Variants in GLMN observed in about 807,000 individuals in gnomAD.
GLMN encodes glomulin.
Under a neutral mutation model 87.8 loss-of-function variants are expected in GLMN, and 75 were observed. The ratio of observed to expected loss-of-function variants is 0.85; its 90% CI spans 0.71 to 1.04. GLMN has a LOEUF of 1.04. Among genes scored for constraint, GLMN ranks in the 50% least tolerant of loss-of-function variants. The pLI, the probability that GLMN is intolerant of heterozygous loss-of-function variation, is 0.00. For missense variants in GLMN, 588 were observed against 658.8 expected (o/e 0.89, Z 1.18); for synonymous variants, 206 against 221.6 (o/e 0.93, Z 0.63).
upstream of GLMN, among the ~76,000 whole-genome samples, chr1:92,300,802 T>A (rs143263368): frequency 7.3e-3 from 1,107 of 152,344 alleles, 9 homozygotes; most frequent in South Asian, 0.015. Context: ...AAAAATTATT[T>A]ATTGAGTATA....
chr1:92,285,900 T>C (rs1471089282), intron 7 of GLMN, among the ~76,000 whole-genome samples: 2 of 152,318 alleles, frequency 1.3e-5, no homozygotes, highest in South Asian at 2.1e-4. Flanking sequence ...TAAAGCCAAA[T>C]TGCTTTTAAA....
intron 16 of GLMN, among the ~76,000 whole-genome samples, chr1:92,251,404 G>GA (rs148785850): frequency 0.052 from 7,898 of 150,488 alleles, 669 homozygotes; most frequent in African/African-American, 0.18. Flanking sequence ...CAAAATAAAA[G>GA]AAAAAAAAAT....
chr1:92,264,277 C>T (rs1655360866), intron 14 of GLMN, among the ~76,000 whole-genome samples: 1 of 152,178 alleles, frequency 6.6e-6, no homozygotes, highest in African/African-American at 2.4e-5. Context: ...CATGCCACTG[C>T]ACTCCAAGCT....
chr1:92,335,007 A>T, the GLMN span, among the ~76,000 whole-genome samples: 1 of 151,952 alleles, frequency 6.6e-6, no homozygotes, highest in Admixed American at 6.6e-5. Context: ...AATAAAAATA[A>T]AAATTAATCG....
In GLMN at chr1:92,291,514, C is replaced by G; in HGVS notation, c.189G>C (p.Trp63Cys). ...KNKVIIKNMG[W>C]NLVGPVVRCL... ...ATCGAACAACAGGACCAACGAGATT[C>G]CAGCCCATATTCTTGATGATGACCT... The change falls in exon 4 of 19, where the codon TGG becomes TGC. Residue 63 changes from tryptophan (W) to cysteine (C), a missense_variant. Trp to Cys is a radical substitution (Grantham distance 215). Transcript: ENST00000370360. 3 of 1,613,448 alleles carry G rather than the reference C, an allele frequency of 1.9e-6. No individual in the cohort carries two copies. The highest frequency in any genetic ancestry group is 2.5e-6 in the Non-Finnish European group (3 of 1,179,416).
chr1:92,349,638 T>A, the GLMN span, among the ~76,000 whole-genome samples: 1 of 152,188 alleles, frequency 6.6e-6, no homozygotes, highest in African/African-American at 2.4e-5. Flanking sequence ...TAACATTTTT[T>A]AAATCTGTGC....
At chr1:92,259,732 CTTTT>C (rs58390058) in intron 16 of GLMN, among the ~76,000 whole-genome samples, 5 of 108,244 alleles carry the variant, frequency 4.6e-5, no homozygotes, top group African/African-American at 6.8e-5. Context: ...TTTTTTCTTT[CTTTT>C]TTTTTTTTTT....
At chr1:92,266,573 A>ATAAAG in intron 12 of GLMN, 81 bp from the exon 13 acceptor site, 3 of 1,001,728 alleles carry the variant, frequency 3.0e-6, no homozygotes, top group Non-Finnish European at 4.7e-6. Flanking sequence ...TATGCATGTA[A>ATAAAG]TACATCCACA....
intron 3 of GLMN, among the ~76,000 whole-genome samples, chr1:92,294,952 T>A (rs1649854900): frequency 6.6e-6 from 1 of 152,252 alleles, no homozygotes; most frequent in Non-Finnish European, 1.5e-5. Flanking sequence ...GTGCTGGGAT[T>A]ATAGGCATGA....
intron 16 of GLMN, among the ~76,000 whole-genome samples, chr1:92,249,480 CCTCT>C (rs1158414834): frequency 6.6e-6 from 1 of 151,912 alleles, no homozygotes; most frequent in Non-Finnish European, 1.5e-5. Flanking sequence ...CCTATTTTTA[CCTCT>C]CTCTATCCAG....
chr1:92,299,143 G>A (rs1264695403), upstream of GLMN: 3 of 1,511,744 alleles, frequency 2.0e-6, no homozygotes, highest in Non-Finnish European at 2.7e-6. Context: ...TCGAAAAGCC[G>A]CAGGTAGGAG....
At chr1:92,247,327 C>T (rs1652822488) in intron 17 of GLMN, among the ~76,000 whole-genome samples, 183 bp from the exon 18 acceptor site, 1 of 152,132 alleles carries the variant, frequency 6.6e-6, no homozygotes, top group South Asian at 2.1e-4. Context: ...CAAAATTCTG[C>T]AACATGTAAA....
chr1:92,258,872 C>T (rs1654621529), intron 16 of GLMN, among the ~76,000 whole-genome samples: 1 of 151,946 alleles, frequency 6.6e-6, no homozygotes, highest in Non-Finnish European at 1.5e-5. Context: ...ACGTTCTGCA[C>T]ATGTATCCCA....
At chr1:92,251,654 A>AT (rs1426608751) in intron 16 of GLMN, among the ~76,000 whole-genome samples, 1 of 152,190 alleles carries the variant, frequency 6.6e-6, no homozygotes, top group Non-Finnish European at 1.5e-5. Flanking sequence ...CACAGACTGG[A>AT]ATATTTGCAA....
intron 3 of GLMN, 30 bp from the exon 4 acceptor site, chr1:92,291,567 C>T: frequency 6.2e-7 from 1 of 1,610,400 alleles, no homozygotes; most frequent in Non-Finnish European, 8.5e-7. Flanking sequence ...GTAAAGCAAA[C>T]ACTGCCATCT....
intron 7 of GLMN, among the ~76,000 whole-genome samples, chr1:92,282,626 G>C (rs1648205551): frequency 2.0e-5 from 3 of 152,080 alleles, no homozygotes; most frequent in Admixed American, 2.0e-4. Context: ...ACTAAGATCA[G>C]GGCAGAACTG....
chr1:92,304,369 T>C, the GLMN span: 34 of 1,407,504 alleles, frequency 2.4e-5, no homozygotes, highest in Non-Finnish European at 3.0e-5. Context: ...AAGGCTTTCA[T>C]TGTGGCAATT....
chr1:92,324,417 T>C, the GLMN span: 1 of 1,434,898 alleles, frequency 7.0e-7, no homozygotes, highest in Non-Finnish European at 9.6e-7. Context: ...TCGTTAACAT[T>C]TGGAAAACTC....
chr1:92,333,587 A>G, the GLMN span: 2 of 753,464 alleles, frequency 2.7e-6, no homozygotes, highest in Non-Finnish European at 4.4e-6. Flanking sequence ...AAATAATGTG[A>G]AAAGTTCACA....
Sources: gnomAD v4.1 joint callset for allele counts (sites outside exome capture counted in the v4.1 genomes callset) on GRCh38, gnomAD v4.1.1 for gene constraint, MANE v1.5 for transcripts, NCBI Gene and HGNC (gene_info 2026-07-23, HGNC 2026-07-21) for gene names.